Variants in TPD52 observed in about 807,000 individuals in gnomAD.
TPD52 encodes tumor protein D52, also known as prostate and colon associated protein.
A neutral mutation model predicts 31.3 loss-of-function variants in TPD52; 17 were observed. The observed-to-expected ratio is 0.54, with a 90% CI of 0.37 to 0.82. The LOEUF is 0.82. Among genes scored for constraint, TPD52 ranks in the 40% least tolerant of loss-of-function variants. The pLI, the probability that TPD52 is intolerant of heterozygous loss-of-function variation, is 0.00. For missense variants in TPD52, 212 were observed against 240.1 expected (o/e 0.88, Z 0.77); for synonymous variants, 83 against 89.6 (o/e 0.93, Z 0.42).
intron 7 of TPD52, among the ~76,000 whole-genome samples, chr8:80,038,586 G>C (rs943383954): frequency 3.3e-5 from 5 of 152,160 alleles, no homozygotes; most frequent in Non-Finnish European, 7.3e-5. Context: ...ATTTTGTATT[G>C]CATCGAATTG....
intron 1 of TPD52, among the ~76,000 whole-genome samples, chr8:80,071,699 C>T (rs1303729537): frequency 6.6e-6 from 1 of 152,268 alleles, no homozygotes; most frequent in East Asian, 1.9e-4. Context: ...TCCAATCCTG[C>T]CCTCCTGCCT....
At chr8:80,110,968 G>A (rs1289948886) in intron 1 of TPD52, among the ~76,000 whole-genome samples, 1 of 152,210 alleles carries the variant, frequency 6.6e-6, no homozygotes, top group Non-Finnish European at 1.5e-5. Context: ...CACTTTGGGA[G>A]GGTGAGGTGG....
intron 1 of TPD52, among the ~76,000 whole-genome samples, chr8:80,075,042 C>T (rs991416027): frequency 1.3e-5 from 2 of 151,908 alleles, no homozygotes; most frequent in South Asian, 2.1e-4. Flanking sequence ...TGCAGTGGCG[C>T]GATCTTGGCT....
chr8:80,055,110 G>A (rs55918439), intron 2 of TPD52, among the ~76,000 whole-genome samples: 87,609 of 152,010 alleles, frequency 0.58, 25,800 homozygotes, highest in East Asian at 0.7. Flanking sequence ...CTCTACTTCA[G>A]GCTCCAAAGC....
intron 1 of TPD52, among the ~76,000 whole-genome samples, chr8:80,106,078 CTATT>C (rs1408764173): frequency 6.6e-6 from 1 of 151,102 alleles, no homozygotes; most frequent in Non-Finnish European, 1.5e-5. Flanking sequence ...GATTTTTTTC[CTATT>C]TTTTTGTGGG....
intron 3 of TPD52, among the ~76,000 whole-genome samples, chr8:80,052,071 CG>C (rs1811437627): frequency 6.6e-6 from 1 of 152,110 alleles, no homozygotes; most frequent in African/African-American, 2.4e-5. Flanking sequence ...TAGTAGCTGG[CG>C]TAAGTAGGAC....
intron 2 of TPD52, among the ~76,000 whole-genome samples, chr8:80,061,297 G>C (rs1279968739): frequency 1.3e-5 from 2 of 151,474 alleles, no homozygotes; most frequent in Non-Finnish European, 2.9e-5. Context: ...CTGGGAGGTG[G>C]AGGTTGCAGT....
At chr8:80,126,227 T>C (rs1001425907) in intron 1 of TPD52, among the ~76,000 whole-genome samples, 4 of 152,212 alleles carry the variant, frequency 2.6e-5, no homozygotes, top group East Asian at 1.9e-4. Context: ...ATGAATTACA[T>C]ACTATTTTGA....
intron 7 of TPD52, chr8:80,042,052 G>A: frequency 4.6e-6 from 2 of 433,798 alleles, no homozygotes; most frequent in Non-Finnish European, 6.1e-6. Context: ...TCACGCCACT[G>A]CACTCCAGCC....
intron 1 of TPD52, among the ~76,000 whole-genome samples, chr8:80,105,050 T>A (rs1282600284): frequency 6.6e-6 from 1 of 152,072 alleles, no homozygotes; most frequent in South Asian, 2.1e-4. Context: ...CAGAGTAAGA[T>A]ACTGTCTCAA....
intron 1 of TPD52, among the ~76,000 whole-genome samples, chr8:80,139,414 A>G (rs1586377480): frequency 2.7e-5 from 1 of 37,522 alleles, no homozygotes; most frequent in Admixed American, 3.0e-4. Context: ...TATTTTTATG[A>G]AAAAAAAAAT....
chr8:80,053,693 C>T (rs916914506), intron 2 of TPD52, among the ~76,000 whole-genome samples: 2 of 152,106 alleles, frequency 1.3e-5, no homozygotes, highest in African/African-American at 4.8e-5. Flanking sequence ...CCCTATACTT[C>T]CTTACTCAGC....
At chr8:80,060,195 T>C (rs1346159215) in intron 2 of TPD52, among the ~76,000 whole-genome samples, 1 of 130,612 alleles carries the variant, frequency 7.7e-6, no homozygotes, top group Non-Finnish European at 1.6e-5. Context: ...CAAATGAAAG[T>C]GGGGACATTA....
chr8:80,137,289 A>G (rs2131120203), intron 1 of TPD52, among the ~76,000 whole-genome samples: 1 of 152,340 alleles, frequency 6.6e-6, no homozygotes, highest in Non-Finnish European at 1.5e-5. Context: ...ACAACTCTGT[A>G]AGTTTACTAG....
At chr8:80,070,988 A>G (rs192815003) in intron 1 of TPD52, among the ~76,000 whole-genome samples, 1 of 152,324 alleles carries the variant, frequency 6.6e-6, no homozygotes, top group Non-Finnish European at 1.5e-5. Flanking sequence ...AGACTCAGAG[A>G]AGAGATTATG....
intron 1 of TPD52, among the ~76,000 whole-genome samples, chr8:80,094,433 T>C (rs1189310677): frequency 3.5e-4 from 2 of 5,640 alleles, no homozygotes; most frequent in African/African-American, 1.2e-3. Context: ...GAAAATTTTA[T>C]ATATATATAT....
At chr8:80,044,897 T>C (rs904795281) in intron 5 of TPD52, among the ~76,000 whole-genome samples, 1 of 152,280 alleles carries the variant, frequency 6.6e-6, no homozygotes, top group Non-Finnish European at 1.5e-5. Context: ...TTCTCAGTTA[T>C]ATTTAAATAT....
Position 80,036,291 on chromosome 8 carries a change from A to G in TPD52, c.*1825T>C, listed in dbSNP as rs1028187934. 2 of 152,630 alleles carry G rather than the reference A, an allele frequency of 1.3e-5. No individual in the cohort carries two copies. Among genetic ancestry groups the G allele is most frequent in the African/African-American group, 4.8e-5 (2 of 41,446 alleles). The allele number at this position is 152,630 out of a possible 1,614,324, so 9.5% of individuals were successfully genotyped here. A position where few individuals can be genotyped will look rare whatever the true frequency, so the allele number is the denominator to read the frequency against. ...GGATGCTCAAGAAACAATGTGATCA[A>G]AAGAATATGTTTGAATTTTAAGAAG... On this transcript the variant is annotated 3_prime_UTR_variant, in exon 8 of 8. Coordinates refer to ENST00000518937, the MANE Select transcript of TPD52 (RefSeq NM_001025253.3).
At chr8:80,088,572 CCT>C (rs1042948889) in intron 1 of TPD52, among the ~76,000 whole-genome samples, 82 of 152,174 alleles carry the variant, frequency 5.4e-4, no homozygotes, top group African/African-American at 1.8e-3. Context: ...CATTCTCACC[CCT>C]GTCTGAAGCT....
Sources: gnomAD v4.1 joint callset for allele counts (sites outside exome capture counted in the v4.1 genomes callset) on GRCh38, gnomAD v4.1.1 for gene constraint, MANE v1.5 for transcripts, NCBI Gene and HGNC (gene_info 2026-07-23, HGNC 2026-07-21) for gene names.